The following NFATC2 variants were observed in gnomAD, a reference collection of about 807,000 sequenced individuals.
The protein encoded by NFATC2 is nuclear factor of activated T-cells, cytoplasmic 2.
In NFATC2, 22 loss-of-function variants were observed where a neutral mutation model predicts 87.3. The observed-to-expected ratio is 0.25, with a 90% CI of 0.18 to 0.36. NFATC2 has a LOEUF of 0.36. NFATC2 is among the 10% of genes least tolerant of loss of function. The pLI is 1.00. For missense variants in NFATC2, 1,149 were observed against 1,259.1 expected (o/e 0.91, Z 1.32); for synonymous variants, 565 against 542.2 (o/e 1.04, Z -0.58).
chr20:51,399,617 G>A (rs1568928242), intron 9 of NFATC2, among the ~76,000 whole-genome samples: 2 of 152,172 alleles, frequency 1.3e-5, no homozygotes, highest in African/African-American at 4.8e-5. Flanking sequence ...CCCAATGTTG[G>A]GCTCCAACAG....
intron 9 of NFATC2, among the ~76,000 whole-genome samples, chr20:51,399,580 C>T (rs879582695): frequency 8.5e-4 from 130 of 152,332 alleles, no homozygotes; most frequent in African/African-American, 2.5e-3. Context: ...ATCCTTTCAG[C>T]GCTTATGCAG....
chr20:51,454,822 C>G, intron 5 of NFATC2, 134 bp from the exon 6 acceptor site: 1 of 968,952 alleles, frequency 1.0e-6, no homozygotes, highest in Non-Finnish European at 1.5e-6. Context: ...AAATGTGGAA[C>G]CATCACCCCT....
At chr20:51,541,049 A>G (rs2076808415) in intron 1 of NFATC2, among the ~76,000 whole-genome samples, 1 of 152,140 alleles carries the variant, frequency 6.6e-6, no homozygotes, top group African/African-American at 2.4e-5. Context: ...AAGACACAAA[A>G]TTATTACTAA....
At chr20:51,544,690 C>T (rs1324791252), upstream of NFATC2, among the ~76,000 whole-genome samples, 2 of 152,182 alleles carry the variant, frequency 1.3e-5, no homozygotes, top group Non-Finnish European at 2.9e-5. Context: ...ATTAGAATCA[C>T]CTGGAGAGCT....
Position 51,523,356 on chromosome 20 carries a change from G to C in NFATC2, c.885C>G (p.Pro295=). The C allele has an allele frequency of 6.2e-7, 1 of 1,612,064 alleles. No homozygotes were observed. Among genetic ancestry groups the C allele is most frequent in the Non-Finnish European group, 8.5e-7 (1 of 1,179,028 alleles). ...PQDHGSPAGY[P]PVAGSAVIMD... is the part of the protein sequence containing the mutation. ...TGATCACGGCAGAGCCAGCCACAGG[G>C]GGGTACCCAGCCGGGGAGCCGTGGT... Residue 295 remains proline, a synonymous_variant, in exon 2 of 11, where the codon CCC becomes CCG. Transcript: ENST00000371564. This position sits in a 1 kb window ranked among gnomAD's most constrained non-coding sequence, Gnocchi z 6.9.
chr20:51,480,801 G>A lies in NFATC2; in HGVS notation c.1333-5141C>T, dbSNP rs80069738. ...TGTTGGGCACCAAAGCACAGCACAC[G>A]GTAGGTACCCATGAAACGAGAACTT... On this transcript the variant is annotated intron_variant, in intron 3 of 10. Coordinates refer to ENST00000371564, the MANE Select transcript of NFATC2 (RefSeq NM_012340.5). The surrounding 1 kb of genome is among the most constrained non-coding windows in gnomAD (Gnocchi z 4.2). Among the ~76,000 whole-genome samples the A allele has an allele frequency of 1.1e-3, 174 of 152,276 alleles. 5 individuals are homozygous for A. In the East Asian group the frequency reaches 0.029, roughly 25 times the overall value.
intron 3 of NFATC2, among the ~76,000 whole-genome samples, chr20:51,484,532 C>T (rs1037443174): frequency 6.6e-6 from 1 of 152,214 alleles, no homozygotes; most frequent in African/African-American, 2.4e-5. Flanking sequence ...AGGTGTCCAA[C>T]GAGCGAGCAA....
At chr20:51,409,325 T>A (rs1202845320) in intron 9 of NFATC2, among the ~76,000 whole-genome samples, 1 of 151,750 alleles carries the variant, frequency 6.6e-6, no homozygotes, top group African/African-American at 2.4e-5. Flanking sequence ...AGAGGAAAAA[T>A]CTGGAAACAA....
intron 6 of NFATC2, among the ~76,000 whole-genome samples, chr20:51,446,320 GCTGATGTTTT>G (rs962282859): frequency 1.3e-5 from 2 of 152,214 alleles, no homozygotes; most frequent in Non-Finnish European, 2.9e-5. Context: ...TAGAAGGGCA[GCTGATGTTTT>G]CTGAGCACCT....
Position 51,398,668 on chromosome 20 carries a change from A to G in NFATC2, c.*19T>C, listed in dbSNP as rs1210137917. 6.2e-7 allele frequency: 1 copy of G among 1,611,258 alleles called. No homozygotes were observed. The highest frequency in any genetic ancestry group is 1.7e-5 in the Admixed American group (1 of 59,710). On this transcript the variant is annotated 3_prime_UTR_variant, in exon 10 of 11. Coordinates refer to ENST00000371564, the MANE Select transcript of NFATC2 (RefSeq NM_012340.5). ...CTTTAACTTTGATTTCTCGGATCAA[A>G]GATCACAGTCATTCTGTTTCATAAT...
chr20:51,497,939 C>T (rs1176554005), intron 3 of NFATC2, among the ~76,000 whole-genome samples: 1 of 152,148 alleles, frequency 6.6e-6, no homozygotes, highest in Non-Finnish European at 1.5e-5. Context: ...TCAAAAACCA[C>T]AAGGGAACAC....
chr20:51,391,344 G>T lies in NFATC2; in HGVS notation c.*152C>A. Reference sequence around the variant, plus strand: ...AAGGAGACAGAAGGTGAGGGGCTGTGGAGGGCTCCGAGGGGTCAGATACAG... The same window carrying T: ...AAGGAGACAGAAGGTGAGGGGCTGTTGAGGGCTCCGAGGGGTCAGATACAG... On this transcript the variant is annotated 3_prime_UTR_variant, in exon 11 of 11. Transcript: ENST00000371564. The T allele has an allele frequency of 6.3e-7, 1 of 1,577,862 alleles. No homozygotes were observed. Among genetic ancestry groups the T allele is most frequent in the Non-Finnish European group, 8.7e-7 (1 of 1,147,258 alleles).
intron 2 of NFATC2, among the ~76,000 whole-genome samples, chr20:51,522,503 C>T (rs193204640): frequency 1.1e-3 from 173 of 151,980 alleles, no homozygotes; most frequent in African/African-American, 3.9e-3. Context: ...CCAAAGCCTA[C>T]GTGCTATTCT....
chr20:51,466,323 G>A (rs1046537944), intron 5 of NFATC2, among the ~76,000 whole-genome samples: 1 of 152,176 alleles, frequency 6.6e-6, no homozygotes, highest in African/African-American at 2.4e-5. Flanking sequence ...AAGGTGCTGA[G>A]ATTCCAGGCA....
chr20:51,556,771 G>T (rs2076981957), intron 1 of NFATC2, among the ~76,000 whole-genome samples: 3 of 152,196 alleles, frequency 2.0e-5, no homozygotes, highest in African/African-American at 7.2e-5. Context: ...TTTTGCTGGA[G>T]CCCGGAGCCC....
chr20:51,514,388 CTA>C (rs1395795666), intron 3 of NFATC2, among the ~76,000 whole-genome samples: 16 of 152,188 alleles, frequency 1.1e-4, no homozygotes, highest in Admixed American at 5.2e-4. Context: ...TGAGTGCCTG[CTA>C]TGTTTGTGGC....
intron 5 of NFATC2, 124 bp downstream of exon 5, chr20:51,473,856 C>A: frequency 1.0e-6 from 1 of 963,678 alleles, no homozygotes. Context: ...CCAGTGTAAC[C>A]CTGTGGGTCC....
chr20:51,418,007 A>C (rs2073334083), intron 9 of NFATC2, among the ~76,000 whole-genome samples: 1 of 152,188 alleles, frequency 6.6e-6, no homozygotes, highest in African/African-American at 2.4e-5. Context: ...GCCACAAGCA[A>C]GGAAGAATGA....
chr20:51,562,638 C>A (rs2077042672), upstream of NFATC2: 2 of 1,550,256 alleles, frequency 1.3e-6, no homozygotes, highest in East Asian at 4.9e-5. The surrounding 1 kb of genome is among the most constrained non-coding windows in gnomAD (Gnocchi z 5.8). Context: ...ATCTGGAGGG[C>A]ACGGGGACTT....
Sources: allele counts gnomAD v4.1 joint callset (sites outside exome capture counted in the v4.1 genomes callset), GRCh38; gene constraint gnomAD v4.1.1; non-coding constraint Gnocchi (gnomAD v3.1); transcripts MANE v1.5; gene names NCBI Gene and HGNC (gene_info 2026-07-23, HGNC 2026-07-21).